The following ABAT variants were observed in gnomAD, a reference collection of about 807,000 sequenced individuals.
ABAT encodes the protein 4-aminobutyrate aminotransferase.
ABAT carries 45 observed loss-of-function variants against 64.6 expected under a neutral mutation model. The observed-to-expected ratio is 0.70, with a 90% CI of 0.55 to 0.89. The LOEUF is 0.89. ABAT is among the 40% of genes least tolerant of loss of function. ABAT has a pLI of 0.00. For synonymous variants in ABAT, 297 were observed against 250.5 expected (o/e 1.19, Z -1.75); for missense variants, 633 against 658.4 (o/e 0.96, Z 0.42).
chr16:8,772,250 CTCTGTGTGTGTGTG>C (rs1567314932), intron 11 of ABAT, among the ~76,000 whole-genome samples: 2 of 97,818 alleles, frequency 2.0e-5, no homozygotes, highest in Middle Eastern at 4.3e-3. Context: ...TTCTCTCTGT[CTCTGTGTGTGTGTG>C]TGTGTGTGTG....
rs368568293 is a variant in ABAT at position 8,743,444 on chromosome 16, T to TATATATATATATAC, written c.71-2556_71-2555insTATATATATATACA. Among the ~76,000 whole-genome samples the TATATATATATATAC allele has an allele frequency of 9.2e-4, 108 of 117,656 alleles. 2 individuals are homozygous for TATATATATATATAC. Among genetic ancestry groups the TATATATATATATAC allele is most frequent in the Middle Eastern group, 4.6e-3 (1 of 218 alleles). The allele number at this position is 117,656 out of a possible 152,430, so 77.2% of individuals were successfully genotyped here. On this transcript the variant is annotated intron_variant, in intron 2 of 15. Transcript: ENST00000268251. ...ACAGTTATATATATATATATATATA[T>TATATATATATATAC]ACACACATTTTATAATATATTATAT... is the stretch of plus-strand genomic sequence containing the variant.
At chr16:8,748,715 TGC>T (rs1404147839) in intron 4 of ABAT, among the ~76,000 whole-genome samples, 3 of 152,192 alleles carry the variant, frequency 2.0e-5, no homozygotes, top group African/African-American at 4.8e-5. Context: ...TGTTTTTGGG[TGC>T]AAATATGTTT....
At chr16:8,705,812 C>CG (rs34736230) in intron 1 of ABAT, among the ~76,000 whole-genome samples, 82,111 of 151,952 alleles carry the variant, frequency 0.54, 22,753 homozygotes, top group East Asian at 0.71. Context: ...CAGCTAAGAG[C>CG]AAGTCAGGTT....
At chr16:8,677,582 C>G (rs909368259) in intron 1 of ABAT, among the ~76,000 whole-genome samples, 2 of 152,112 alleles carry the variant, frequency 1.3e-5, no homozygotes, top group Non-Finnish European at 2.9e-5. Flanking sequence ...TCAGAGGATT[C>G]TTTGTTGTGG....
chr16:8,739,440 A>G (rs1337747299), intron 2 of ABAT, among the ~76,000 whole-genome samples: 1 of 152,234 alleles, frequency 6.6e-6, no homozygotes, highest in African/African-American at 2.4e-5. Context: ...CATATGGGCC[A>G]GGCACAGTGG....
intron 2 of ABAT, among the ~76,000 whole-genome samples, chr16:8,741,706 A>G (rs985781619): frequency 6.6e-6 from 1 of 152,180 alleles, no homozygotes; most frequent in Non-Finnish European, 1.5e-5. Context: ...GAGAATATTC[A>G]TTGTAATAGT....
chr16:8,677,909 A>G (rs2057241014), intron 1 of ABAT, among the ~76,000 whole-genome samples: 1 of 152,064 alleles, frequency 6.6e-6, no homozygotes, highest in South Asian at 2.1e-4. Context: ...GAAAAAAAAA[A>G]TCAGCTGGTC....
At chr16:8,716,861 C>T (rs924692480) in intron 1 of ABAT, among the ~76,000 whole-genome samples, 2 of 152,212 alleles carry the variant, frequency 1.3e-5, no homozygotes, top group Admixed American at 1.3e-4. Context: ...GTACAGTAGC[C>T]GTTCATCACA....
intron 2 of ABAT, among the ~76,000 whole-genome samples, chr16:8,741,007 C>T (rs948251386): frequency 3.3e-5 from 5 of 152,342 alleles, no homozygotes; most frequent in Admixed American, 6.5e-5. Context: ...TTATCACTCT[C>T]GGTCTAAAGA....
intron 12 of ABAT, 41 bp from the exon 13 acceptor site, chr16:8,774,849 C>G: frequency 6.2e-7 from 1 of 1,611,362 alleles, no homozygotes; most frequent in Non-Finnish European, 8.5e-7. Flanking sequence ...TCTGGCCTCC[C>G]ACGGGTGTTT....
chr16:8,708,617 A>G (rs1469196013), intron 1 of ABAT, among the ~76,000 whole-genome samples: 2 of 152,212 alleles, frequency 1.3e-5, no homozygotes, highest in Non-Finnish European at 2.9e-5. Flanking sequence ...ATTCTTTAAA[A>G]TTAAGTGCCA....
rs2060486912 is a variant in ABAT, at chr16:8,783,618, C to T, written c.*2188C>T. 1 of 152,182 alleles carries T rather than the reference C, an allele frequency of 6.6e-6. No individual in the cohort carries two copies. The highest frequency in any genetic ancestry group is 2.4e-5 in the African/African-American group (1 of 41,432). The allele number at this position is 152,182 out of a possible 1,614,324, so 9.4% of individuals were successfully genotyped here. On this transcript the variant is annotated 3_prime_UTR_variant, in exon 16 of 16. Transcript: ENST00000268251. ...GGCAGCATCCCAAGGTTCAATAAGGCCTTATTTAACAAGCAAGCAAAATGC... is the reference window on the plus strand; with the variant it reads ...GGCAGCATCCCAAGGTTCAATAAGGTCTTATTTAACAAGCAAGCAAAATGC...
At chr16:8,734,921 A>G (rs531215963) in intron 1 of ABAT, among the ~76,000 whole-genome samples, 3 of 152,160 alleles carry the variant, frequency 2.0e-5, no homozygotes, top group East Asian at 3.9e-4. Context: ...AAGAATGGCA[A>G]TCAGGGCTGG....
intron 3 of ABAT, among the ~76,000 whole-genome samples, chr16:8,747,135 T>C (rs2059356195): frequency 6.6e-6 from 1 of 152,182 alleles, no homozygotes; most frequent in South Asian, 2.1e-4. Flanking sequence ...CTCCTTCTGC[T>C]GGCCAAAGCC....
chr16:8,705,693 G>T (rs1596407474), intron 1 of ABAT, among the ~76,000 whole-genome samples: 1 of 152,168 alleles, frequency 6.6e-6, no homozygotes, highest in African/African-American at 2.4e-5. Context: ...GCAGTTCGTT[G>T]GTTGGTGGTT....
chr16:8,687,970 C>T (rs1305403374), intron 1 of ABAT, among the ~76,000 whole-genome samples: 2 of 152,020 alleles, frequency 1.3e-5, no homozygotes. Context: ...ACCATCGTAG[C>T]TTACTGCAGC....
chr16:8,681,181 G>C (rs1311935212), intron 1 of ABAT, among the ~76,000 whole-genome samples: 1 of 152,004 alleles, frequency 6.6e-6, no homozygotes, highest in African/African-American at 2.4e-5. Flanking sequence ...TGTTGAGATG[G>C]AGTCTCCCTA....
chr16:8,780,138 T>C (rs1343650095), intron 15 of ABAT, among the ~76,000 whole-genome samples: 1 of 151,468 alleles, frequency 6.6e-6, no homozygotes, highest in Non-Finnish European at 1.5e-5. Flanking sequence ...TGAGGTGGGA[T>C]GGAGCTTACA....
intron 5 of ABAT, among the ~76,000 whole-genome samples, 170 bp downstream of exon 5, chr16:8,750,709 G>A (rs1410941769): frequency 6.6e-6 from 1 of 152,122 alleles, no homozygotes. Flanking sequence ...TATATTATTA[G>A]ACATATTATA....
Sources: allele counts gnomAD v4.1 joint callset (sites outside exome capture counted in the v4.1 genomes callset), GRCh38; gene constraint gnomAD v4.1.1; transcripts MANE v1.5; gene names NCBI Gene and HGNC (gene_info 2026-07-23, HGNC 2026-07-21).